Variants in SPARCL1 observed in about 807,000 individuals in gnomAD.
SPARCL1 encodes the protein SPARC-like protein 1.
SPARCL1 carries 52 observed loss-of-function variants against 67.1 expected under a neutral mutation model. The observed-to-expected ratio is 0.78, with a 90% CI of 0.62 to 0.98. The LOEUF (loss-of-function observed/expected upper bound fraction) is 0.98. Ranked by LOEUF, SPARCL1 falls within the 50% of genes least tolerant of loss-of-function variation. The pLI is 0.00. For synonymous variants in SPARCL1, 226 were observed against 267.8 expected, an observed-to-expected ratio of 0.84 and a Z score of 1.52; for missense variants, 717 against 782.4, an observed-to-expected ratio of 0.92 and a Z score of 1.00.
At chr4:87,510,130 T>C (rs1725286062) in intron 1 of SPARCL1, among the ~76,000 whole-genome samples, 1 of 152,228 alleles carries the variant, frequency 6.6e-6, no homozygotes, top group Non-Finnish European at 1.5e-5. Flanking sequence ...ACTCATCACT[T>C]CATAATTATT....
In SPARCL1 at chr4:87,494,373, G is replaced by C; in HGVS notation, c.427C>G (p.Pro143Ala). 1 of 1,614,106 alleles carries C rather than the reference G, an allele frequency of 6.2e-7. No homozygotes were observed. The highest frequency in any genetic ancestry group is 1.3e-5 in the African/African-American group (1 of 75,020). Reference sequence around the variant, plus strand: ...GAATCTGTGAAGGAACTAACACCAGGAGCCAAAAAATCAGTGTTCTCTGAG... The same window carrying C: ...GAATCTGTGAAGGAACTAACACCAGCAGCCAAAAAATCAGTGTTCTCTGAG... ...KLSENTDFLA[P>A]GVSSFTDSNQ... The change falls in exon 4 of 11, where the codon CCT becomes GCT. Residue 143 changes from proline to alanine, a missense_variant. Coordinates refer to ENST00000282470, the MANE Select transcript of SPARCL1 (RefSeq NM_004684.6).
At position 87,529,321 on chromosome 4, in the gene SPARCL1, TC is replaced by T. The variant is rs1726180423; in HGVS notation, c.-289del. ...GACTGTCATCGTTTTTGTTGCAGAT[TC>T]CTGGATTTCCCTAGCAGGCTGGCCT... On this transcript the variant is annotated 5_prime_UTR_variant, in exon 1 of 11. The change creates a premature stop within an existing upstream ORF in the 5' untranslated region. Coordinates refer to ENST00000282470, the MANE Select transcript of SPARCL1 (RefSeq NM_004684.6). 6.6e-6 allele frequency: 1 copy of T among 152,178 alleles called. No individual in the cohort carries two copies. The highest frequency in any genetic ancestry group is 6.6e-5 in the Admixed American group (1 of 15,262). 9.4% of individuals were successfully genotyped at this position (152,178 alleles called of 1,614,324 possible).
intron 2 of SPARCL1, among the ~76,000 whole-genome samples, chr4:87,497,440 A>C (rs776606196): frequency 6.6e-5 from 10 of 152,188 alleles, no homozygotes; most frequent in Non-Finnish European, 1.3e-4. Flanking sequence ...AGCAGGAAGA[A>C]ATGCACACAA....
Position 87,529,060 on chromosome 4 carries a change from T to G in SPARCL1, c.-27A>C, listed in dbSNP as rs940643059. 1 of 152,240 alleles carries G rather than the reference T, an allele frequency of 6.6e-6. No homozygotes were observed. Among genetic ancestry groups the G allele is most frequent in the African/African-American group, 2.4e-5 (1 of 41,466 alleles). 9.4% of individuals were successfully genotyped at this position (152,240 alleles called of 1,614,324 possible). A position where few individuals can be genotyped will look rare whatever the true frequency, so the allele number is the denominator to read the frequency against. On this transcript the variant is annotated 5_prime_UTR_variant, in exon 1 of 11. Transcript: ENST00000282470. ...TACAACTTACCTTTAAGTAAGGGGC[T>G]GGACCCAGAGCCACTGCAGAAAAAT...
At chr4:87,521,181 A>G (rs1010334338) in intron 1 of SPARCL1, among the ~76,000 whole-genome samples, 1 of 152,188 alleles carries the variant, frequency 6.6e-6, no homozygotes, top group Admixed American at 6.5e-5. Context: ...GTTTTTTAGA[A>G]CATTAATTTA....
chr4:87,496,004 T>C (rs1724604479), intron 2 of SPARCL1, among the ~76,000 whole-genome samples: 1 of 152,084 alleles, frequency 6.6e-6, no homozygotes, highest in Non-Finnish European at 1.5e-5. Flanking sequence ...AAAGGGCATG[T>C]CTGGAGTATT....
At chr4:87,520,384 G>A (rs1014498068) in intron 1 of SPARCL1, among the ~76,000 whole-genome samples, 3 of 152,064 alleles carry the variant, frequency 2.0e-5, no homozygotes, top group Admixed American at 6.6e-5. Flanking sequence ...AAAAAAGTGT[G>A]TGGGAGGGAG....
intron 10 of SPARCL1, among the ~76,000 whole-genome samples, chr4:87,478,439 A>ATT (rs71897053): frequency 2.2e-5 from 3 of 138,794 alleles, no homozygotes; most frequent in Non-Finnish European, 1.6e-5. Flanking sequence ...AACATCTTTC[A>ATT]TTTTTTTTTT....
At chr4:87,510,009 T>C (rs1445555432) in intron 1 of SPARCL1, among the ~76,000 whole-genome samples, 1 of 152,214 alleles carries the variant, frequency 6.6e-6, no homozygotes, top group Non-Finnish European at 1.5e-5. Flanking sequence ...TTGTGAGAGC[T>C]GTTTGTTACA....
intron 10 of SPARCL1, among the ~76,000 whole-genome samples, chr4:87,476,197 C>A (rs558555490): frequency 1.3e-5 from 2 of 152,254 alleles, no homozygotes; most frequent in East Asian, 3.9e-4. Flanking sequence ...CTCTATTTAC[C>A]CTGCCTGCTC....
chr4:87,481,419 T>C (rs936703228), intron 8 of SPARCL1, among the ~76,000 whole-genome samples: 1 of 152,186 alleles, frequency 6.6e-6, no homozygotes, highest in African/African-American at 2.4e-5. Context: ...CATTTCTCTT[T>C]ATCTCTTCAT....
chr4:87,484,525 C>T lies in SPARCL1; in HGVS notation c.1532-1965G>A, dbSNP rs528898809. ...TTGAAGTTAGTTAGCGTGATGCCTC[C>T]AGCTTTGTTGTTTTTGCTTAGGATT... On this transcript the variant is annotated intron_variant, in intron 7 of 10. Coordinates refer to ENST00000282470, the MANE Select transcript of SPARCL1 (RefSeq NM_004684.6). 2.6e-5 allele frequency among the ~76,000 whole-genome samples: 4 copies of T among 152,272 alleles called. No homozygotes were observed. In the South Asian group the frequency reaches 8.3e-4, roughly 32 times the overall value.
At position 87,505,770 on chromosome 4, in the gene SPARCL1, G is replaced by C. The variant is rs141535491; in HGVS notation, c.-11-6185C>G. 4.0e-5 allele frequency among the ~76,000 whole-genome samples: 6 copies of C among 149,138 alleles called. No individual in the cohort carries two copies. The East Asian group carries it at 9.9e-4, about 25-fold the overall frequency. On this transcript the variant is annotated intron_variant, in intron 1 of 10. Coordinates refer to ENST00000282470, the MANE Select transcript of SPARCL1 (RefSeq NM_004684.6). ...GATGGGGTCTTTCCATGTTGCCCAG[G>C]CTGGTCTCAAACTTCTGGCTTCAAG...
intron 7 of SPARCL1, among the ~76,000 whole-genome samples, chr4:87,485,974 G>C (rs1046900383): frequency 8.6e-5 from 13 of 151,220 alleles, no homozygotes; most frequent in African/African-American, 3.2e-4. Context: ...CTATTAGTCT[G>C]GCTAGCTGTC....
intron 8 of SPARCL1, 68 bp from the exon 9 acceptor site, chr4:87,480,588 A>C (rs1723780180): frequency 1.7e-6 from 2 of 1,186,998 alleles, no homozygotes; most frequent in South Asian, 3.5e-5. Context: ...ACTTGCTATA[A>C]ACTTTACTTG....
chr4:87,516,454 A>C (rs1475733381), intron 1 of SPARCL1, among the ~76,000 whole-genome samples: 1 of 152,148 alleles, frequency 6.6e-6, no homozygotes, highest in East Asian at 1.9e-4. Flanking sequence ...GAAAAAGTAC[A>C]TTTTTGTCTT....
In SPARCL1 at chr4:87,490,308, T is replaced by A. The variant is rs1182837221; in HGVS notation, c.1496A>T (p.His499Leu). Residue 499 changes from histidine (H) to leucine (L), a missense_variant, in exon 7 of 11, where the codon CAT becomes CTT. His to Leu is a moderately conservative substitution (Grantham distance 99). Transcript: ENST00000282470. ...TCCAAAATAATCCAGCTGGAGTTGA[T>A]GCCCCTTTTTGGTCCCCTCCAGTCT... ...KCRLEGTKKG[H>L]QLQLDYFGAC... 1.7e-5 allele frequency: 28 copies of A among 1,613,340 alleles called. No homozygotes were observed. The highest frequency in any genetic ancestry group is 2.3e-5 in the Non-Finnish European group (27 of 1,179,656).
At chr4:87,488,576 G>A (rs1378240569) in intron 7 of SPARCL1, among the ~76,000 whole-genome samples, 2 of 152,216 alleles carry the variant, frequency 1.3e-5, no homozygotes, top group African/African-American at 4.8e-5. Flanking sequence ...GGGGGTCAGG[G>A]ACCCACTTGA....
intron 1 of SPARCL1, among the ~76,000 whole-genome samples, chr4:87,512,493 G>GAGTT (rs1173689617): frequency 6.6e-6 from 1 of 152,030 alleles, no homozygotes; most frequent in Non-Finnish European, 1.5e-5. Flanking sequence ...TTGCACATTG[G>GAGTT]AGTTTTTCCT....
Sources: gnomAD v4.1 joint callset for allele counts (sites outside exome capture counted in the v4.1 genomes callset) on GRCh38, gnomAD v4.1.1 for gene constraint, MANE v1.5 for transcripts, NCBI Gene and HGNC (gene_info 2026-07-23, HGNC 2026-07-21) for gene names.